Variants in DOCK6 observed in about 807,000 individuals in gnomAD.
The protein encoded by DOCK6 is dedicator of cytokinesis 6.
DOCK6 carries 167 observed loss-of-function variants against 230.3 expected under a neutral mutation model. The observed-to-expected ratio is 0.73, with a 90% CI of 0.64 to 0.82. DOCK6 has a LOEUF of 0.82. Among genes scored for constraint, DOCK6 ranks in the 40% least tolerant of loss-of-function variants. The probability of loss-of-function intolerance (pLI) is 0.00; values close to 1 mark genes in which losing one functional copy is unlikely to be tolerated. For synonymous variants in DOCK6, 1,148 were observed against 1,185.0 expected, an observed-to-expected ratio of 0.97 and a Z score of 0.64; for missense variants, 2,598 against 2,825.8, an observed-to-expected ratio of 0.92 and a Z score of 1.83.
rs1026744494 is a variant in DOCK6, at chr19:11,213,294, A to G, written c.4373T>C (p.Leu1458Pro). ...GAGCCTCAGGCACAGGTCGGCACACAGCTCCGTGTCCTCCTCGAACAGCAG... is the reference window on the plus strand; with the variant it reads ...GAGCCTCAGGCACAGGTCGGCACACGGCTCCGTGTCCTCCTCGAACAGCAG... ...PELLFEEDTE[L>P]CADLCLRLLR... Residue 1458 changes from leucine (L) to proline (P), a missense_variant, in exon 35 of 48, where the codon CTG becomes CCG. Physicochemically the swap from Leu to Pro is moderately conservative, Grantham distance 98. Transcript: ENST00000294618. The G allele has an allele frequency of 1.9e-6, 3 of 1,612,612 alleles. No individual in the cohort carries two copies. The highest frequency in any genetic ancestry group is 1.1e-5 in the South Asian group (1 of 91,036).
rs373988976 is a variant in DOCK6 at position 11,204,112 on chromosome 19, G to C, written c.5221-17C>G. The C allele has an allele frequency of 4.5e-6, 7 of 1,546,862 alleles. No individual in the cohort carries two copies. The African/African-American group carries it at 8.3e-5, about 18-fold the overall frequency. ...GCCGGAACTCTGTGGGGAAGAGAAG[G>C]GTCAAGGTCAGCAGATCCCTGGGGA... On this transcript the variant is annotated splice_polypyrimidine_tract_variant and intron_variant, in intron 40 of 47. Coordinates refer to ENST00000294618, the MANE Select transcript of DOCK6 (RefSeq NM_020812.4).
chr19:11,233,137 C>T (rs2079794008), intron 22 of DOCK6, 66 bp downstream of exon 22: 12 of 1,566,062 alleles, frequency 7.7e-6, no homozygotes, highest in South Asian at 1.2e-5. Flanking sequence ...TCAACAGATT[C>T]TTCGCCCACA....
chr19:11,258,424 T>C (rs569990811), intron 1 of DOCK6, among the ~76,000 whole-genome samples: 115 of 151,876 alleles, frequency 7.6e-4, no homozygotes, highest in African/African-American at 2.6e-3. Flanking sequence ...GCACTTTTCT[T>C]TCTCTCTCTC....
At position 11,204,231 on chromosome 19, in the gene DOCK6, A is replaced by G; in HGVS notation, c.5189T>C (p.Leu1730Pro). ...YKKLAAVHGK[L>P]QEAFTKIMHQ... ...CATGATCTTGGTGAAGGCCTCCTGC[A>G]GTTTGCCGTGCACCGCGGCCAGCTT... is the stretch of plus-strand genomic sequence containing the variant. The change falls in exon 40 of 48, where the codon CTG becomes CCG. Residue 1730 changes from leucine (L) to proline (P), a missense_variant. Leu to Pro is a moderately conservative substitution (Grantham distance 98). Transcript: ENST00000294618. 6.4e-7 allele frequency: 1 copy of G among 1,573,270 alleles called. No homozygotes were observed. Among genetic ancestry groups the G allele is most frequent in the Non-Finnish European group, 8.6e-7 (1 of 1,158,048 alleles).
chr19:11,208,959 G>A lies in DOCK6; in HGVS notation c.4896C>T (p.Ala1632=), dbSNP rs374766859. 1.2e-6 allele frequency: 2 copies of A among 1,605,368 alleles called. No individual in the cohort carries two copies. The highest frequency in any genetic ancestry group is 1.7e-6 in the Non-Finnish European group (2 of 1,174,260). ...HAAALVAEYL[A]LLEDHRHLPV... ...GCAGGTGGCGGTGGTCCTCGAGCAGGGCGAGGTACTCAGCCACGAGGGCGG... is the reference window on the plus strand; with the variant it reads ...GCAGGTGGCGGTGGTCCTCGAGCAGAGCGAGGTACTCAGCCACGAGGGCGG... The change falls in exon 38 of 48, where the codon GCC becomes GCT. Residue 1632 remains alanine (A), a synonymous_variant. Coordinates refer to ENST00000294618, the MANE Select transcript of DOCK6 (RefSeq NM_020812.4).
rs2147756841 is a variant in DOCK6 at position 11,214,653 on chromosome 19, G to A, written c.4107-4C>T. 6.2e-7 allele frequency: 1 copy of A among 1,613,280 alleles called. No individual in the cohort carries two copies. The highest frequency in any genetic ancestry group is 1.1e-5 in the South Asian group (1 of 90,980). Reference sequence around the variant, plus strand: ...GTGTTCCATTTCATCCTTGGTCCTGGAAGGGGAAAGGAGGTCTTGGGGGCC... The same window carrying A: ...GTGTTCCATTTCATCCTTGGTCCTGAAAGGGGAAAGGAGGTCTTGGGGGCC... On this transcript the variant is annotated splice_region_variant and splice_polypyrimidine_tract_variant and intron_variant, in intron 32 of 47. Coordinates refer to ENST00000294618, the MANE Select transcript of DOCK6 (RefSeq NM_020812.4).
intron 24 of DOCK6, among the ~76,000 whole-genome samples, chr19:11,226,488 G>A (rs1317044448): frequency 5.9e-5 from 9 of 152,146 alleles, no homozygotes; most frequent in Admixed American, 5.9e-4. Context: ...GAGAAACACT[G>A]TCTCTACTGA....
Position 11,200,830 on chromosome 19 carries a change from G to A in DOCK6, c.5833-8C>T, listed in dbSNP as rs757923364. ...GGCCACCTCCAGGGGACCCTGTGGG[G>A]TGAGAGGGACTGGTGAGCCAGCCTG... On this transcript the variant is annotated splice_polypyrimidine_tract_variant and splice_region_variant and intron_variant, in intron 45 of 47. Transcript: ENST00000294618. The surrounding 1 kb of genome is among the most constrained non-coding windows in gnomAD (Gnocchi z 4.3). The A allele has an allele frequency of 3.1e-6, 5 of 1,612,732 alleles. No homozygotes were observed. Among genetic ancestry groups the A allele is most frequent in the African/African-American group, 2.7e-5 (2 of 74,896 alleles).
At chr19:11,232,109 A>G (rs1479000829) in intron 22 of DOCK6, 10 of 1,133,390 alleles carry the variant, frequency 8.8e-6, no homozygotes, top group Non-Finnish European at 1.2e-5. Context: ...TAGGTTAGTC[A>G]GATGCAGCCA....
At chr19:11,223,623 CATTTA>C (rs2079616592) in intron 24 of DOCK6, among the ~76,000 whole-genome samples, 1 of 152,058 alleles carries the variant, frequency 6.6e-6, no homozygotes, top group South Asian at 2.1e-4. Flanking sequence ...CTCTTACCAT[CATTTA>C]TTTTTATTTT....
At chr19:11,237,265 C>T in intron 18 of DOCK6, 191 bp downstream of exon 18, 1 of 649,654 alleles carries the variant, frequency 1.5e-6, no homozygotes, top group Non-Finnish European at 2.7e-6. Context: ...AGCAGAGAGG[C>T]AATGGGAATC....
chr19:11,243,586 T>C lies in DOCK6; in HGVS notation c.1229A>G (p.Gln410Arg), dbSNP rs1393019217. ...HLANIVSSAG[Q>R]LDRDSDSEGE... is the part of the protein sequence containing the mutation. ...CTCCGAGTCAGAGTCCCGGTCCAGC[T>C]GCCCAGCGCTGCTCACGATGTTGGC... is the stretch of plus-strand genomic sequence containing the variant. Residue 410 changes from glutamine to arginine, a missense_variant, in exon 11 of 48, where the codon CAG becomes CGG. Physicochemically the swap from Gln to Arg is conservative, Grantham distance 43 (BLOSUM62 1). Transcript: ENST00000294618. This position sits in a 1 kb window ranked among gnomAD's most constrained non-coding sequence, Gnocchi z 6.3. The C allele has an allele frequency of 6.8e-6, 11 of 1,608,700 alleles. No homozygotes were observed. Among genetic ancestry groups the C allele is most frequent in the East Asian group, 2.2e-5 (1 of 44,712 alleles).
intron 37 of DOCK6, 58 bp from the exon 38 acceptor site, chr19:11,209,161 C>T (rs2079319026): frequency 1.9e-6 from 3 of 1,545,698 alleles, no homozygotes; most frequent in East Asian, 2.4e-5. Context: ...TCCCCACCTG[C>T]CTCCCACTTG....
rs1258665825 is a variant in DOCK6 at position 11,201,292 on chromosome 19, G to T, written c.5689-240C>A. On this transcript the variant is annotated intron_variant, in intron 44 of 47. Transcript: ENST00000294618. The surrounding 1 kb of genome is among the most constrained non-coding windows in gnomAD (Gnocchi z 4.3). ...GGGTCTCCAGACTTCCTTGGGTCTG[G>T]AGGTAGAGATTTGGACTGGAAGTTG... Among the ~76,000 whole-genome samples the T allele has an allele frequency of 6.6e-6, 1 of 152,100 alleles. No homozygotes were observed. Among genetic ancestry groups the T allele is most frequent in the South Asian group, 2.1e-4 (1 of 4,822 alleles).
Position 11,236,632 on chromosome 19 carries a change from CT to C in DOCK6, c.2161-56del. The C allele has an allele frequency of 6.6e-7, 1 of 1,519,950 alleles. No homozygotes were observed. Among genetic ancestry groups the C allele is most frequent in the Non-Finnish European group, 8.9e-7 (1 of 1,120,592 alleles). The allele number at this position is 1,519,950 out of a possible 1,614,324, so 94.2% of individuals were successfully genotyped here. A position where few individuals can be genotyped will look rare whatever the true frequency, so the allele number is the denominator to read the frequency against. On this transcript the variant is annotated intron_variant, in intron 19 of 47. Transcript: ENST00000294618. This position sits in a 1 kb window ranked among gnomAD's most constrained non-coding sequence, Gnocchi z 5.2. ...GGGCCTCAGGGAATGAAGACCACCC[CT>C]GCCTGAATCAGCAGCTTCCCTTAAA...
chr19:11,244,743 G>C (rs554491841), intron 9 of DOCK6, among the ~76,000 whole-genome samples: 2 of 152,238 alleles, frequency 1.3e-5, no homozygotes, highest in South Asian at 4.1e-4. Context: ...ACAGGCGTGA[G>C]CCACCGCGCC....
At chr19:11,254,385 G>A (rs1226410956) in intron 1 of DOCK6, among the ~76,000 whole-genome samples, 4 of 152,196 alleles carry the variant, frequency 2.6e-5, no homozygotes, top group Non-Finnish European at 4.4e-5. Context: ...ACCTGGATCT[G>A]AGCAGGCCTT....
At chr19:11,260,012 T>C (rs921799563) in intron 1 of DOCK6, among the ~76,000 whole-genome samples, 3 of 150,328 alleles carry the variant, frequency 2.0e-5, no homozygotes, top group East Asian at 2.0e-4. Context: ...GCCTCTGGAG[T>C]AGCTGGAAGA....
chr19:11,217,075 G>A lies in DOCK6; in HGVS notation c.3733C>T (p.Leu1245Phe). 6.2e-7 allele frequency: 1 copy of A among 1,612,922 alleles called. No homozygotes were observed. The highest frequency in any genetic ancestry group is 8.5e-7 in the Non-Finnish European group (1 of 1,179,632). Residue 1245 changes from leucine to phenylalanine, a missense_variant, in exon 30 of 48, where the codon CTC (leucine) becomes TTC (phenylalanine). By Grantham distance (22) the Leu-to-Phe change is conservative. Coordinates refer to ENST00000294618, the MANE Select transcript of DOCK6 (RefSeq NM_020812.4). ...AAGGTCCGGCTTGACTCAGCAGAGA[G>A]GGCACAGCCTGCGCGAGAAGCCTGG... ...PPTASRAGCA[L>F]SAESSRTLLA...
Sources: gnomAD v4.1 joint callset for allele counts (sites outside exome capture counted in the v4.1 genomes callset) on GRCh38, gnomAD v4.1.1 for gene constraint, Gnocchi (gnomAD v3.1) non-coding constraint, MANE v1.5 for transcripts, NCBI Gene and HGNC (gene_info 2026-07-23, HGNC 2026-07-21) for gene names.